The following TMEM108 variants were observed in gnomAD, a reference collection of about 807,000 sequenced individuals.
TMEM108 encodes the protein transmembrane protein 108, also known as cancer/testis antigen 124.
TMEM108 carries 12 observed loss-of-function variants against 35.1 expected under a neutral mutation model. The ratio of observed to expected loss-of-function variants is 0.34; its 90% CI spans 0.22 to 0.55. TMEM108 has a LOEUF of 0.55. Ranked by LOEUF, TMEM108 falls within the 20% of genes least tolerant of loss-of-function variation. TMEM108 has a pLI of 0.89. For synonymous variants in TMEM108, 287 were observed against 308.6 expected (o/e 0.93, Z 0.73); for missense variants, 680 against 753.3 (o/e 0.90, Z 1.14).
intron 3 of TMEM108, among the ~76,000 whole-genome samples, chr3:133,315,542 A>G (rs906191934): frequency 2.6e-5 from 4 of 152,230 alleles, no homozygotes; most frequent in Non-Finnish European, 5.9e-5. Flanking sequence ...CAGATTCCAT[A>G]AAGAGCCAGA....
At chr3:133,290,335 A>T (rs1050960501) in intron 3 of TMEM108, among the ~76,000 whole-genome samples, 1 of 152,124 alleles carries the variant, frequency 6.6e-6, no homozygotes, top group African/African-American at 2.4e-5. Context: ...TCATAAGCTG[A>T]TTCAGCCAGG....
chr3:133,386,484 A>G lies in TMEM108; in HGVS notation c.1451-3696A>G, dbSNP rs536763481. On this transcript the variant is annotated intron_variant, in intron 4 of 5. Coordinates refer to ENST00000321871, the MANE Select transcript of TMEM108 (RefSeq NM_023943.4). ...ATGTGAATACAGTACTCAGGGCTCC[A>G]TCTGAAAATGGAGTGACCCCTCTTC... 1.2e-4 allele frequency: 187 copies of G among 1,535,996 alleles called. 2 individuals carry two copies. In the East Asian group the frequency reaches 4.5e-3, roughly 37 times the overall value.
At chr3:133,313,242 G>A (rs1423161014) in intron 3 of TMEM108, among the ~76,000 whole-genome samples, 1 of 149,898 alleles carries the variant, frequency 6.7e-6, no homozygotes, top group African/African-American at 2.5e-5. Context: ...CTGTCACCCA[G>A]GCTGGAGTGC....
intron 4 of TMEM108, chr3:133,388,838 C>T (rs1227687815): frequency 2.0e-6 from 2 of 985,590 alleles, no homozygotes; most frequent in African/African-American, 3.5e-5. Flanking sequence ...GCAACTGCCC[C>T]ACACCCTGGC....
chr3:133,262,075 C>T (rs1300669693), intron 3 of TMEM108, among the ~76,000 whole-genome samples: 1 of 152,188 alleles, frequency 6.6e-6, no homozygotes, highest in Non-Finnish European at 1.5e-5. Flanking sequence ...ATGTACTTTA[C>T]CATTCAGGTT....
At chr3:133,234,307 T>C (rs1946200158) in intron 3 of TMEM108, among the ~76,000 whole-genome samples, 1 of 152,328 alleles carries the variant, frequency 6.6e-6, no homozygotes, top group East Asian at 1.9e-4. Flanking sequence ...AATCTCTGAA[T>C]TTTAGACCAA....
intron 3 of TMEM108, among the ~76,000 whole-genome samples, chr3:133,314,489 A>G (rs923710427): frequency 6.6e-6 from 1 of 152,232 alleles, no homozygotes; most frequent in South Asian, 2.1e-4. Context: ...TCCTAGGAAC[A>G]TGCATGCTTT....
intron 3 of TMEM108, among the ~76,000 whole-genome samples, chr3:133,361,533 G>A (rs1409025317): frequency 6.6e-6 from 1 of 152,206 alleles, no homozygotes; most frequent in Non-Finnish European, 1.5e-5. Flanking sequence ...TTGAAAGTGT[G>A]CAATCTGGAA....
intron 3 of TMEM108, among the ~76,000 whole-genome samples, chr3:133,305,536 A>AAAAG (rs926878764): frequency 6.6e-6 from 1 of 151,686 alleles, no homozygotes; most frequent in Non-Finnish European, 1.5e-5. Flanking sequence ...ATAAATAAAT[A>AAAAG]AAAGAAAGAT....
intron 3 of TMEM108, among the ~76,000 whole-genome samples, chr3:133,267,030 G>A (rs896060082): frequency 8.1e-5 from 12 of 147,628 alleles, no homozygotes; most frequent in African/African-American, 2.5e-4. Flanking sequence ...CAGTGAAGTC[G>A]AGATCGCGCC....
chr3:133,158,465 T>TAAAAAAAAAAAA (rs11328701), intron 2 of TMEM108, among the ~76,000 whole-genome samples: 1 of 80,620 alleles, frequency 1.2e-5, no homozygotes. Flanking sequence ...AGACTCTGTC[T>TAAAAAAAAAAAA]AAAAAAAAAA....
chr3:133,038,712 A>C (rs1214973262), intron 1 of TMEM108, among the ~76,000 whole-genome samples: 1 of 152,132 alleles, frequency 6.6e-6, no homozygotes, highest in Non-Finnish European at 1.5e-5. Context: ...GGTTGCTGGC[A>C]TGAACCCCCT....
intron 3 of TMEM108, among the ~76,000 whole-genome samples, chr3:133,251,680 A>C (rs77618894): frequency 6.6e-6 from 1 of 152,252 alleles, no homozygotes; most frequent in Middle Eastern, 3.4e-3. Flanking sequence ...GAAGTGATAC[A>C]TATAAATTTT....
chr3:133,142,049 A>T (rs954350300), intron 2 of TMEM108, among the ~76,000 whole-genome samples: 2 of 152,162 alleles, frequency 1.3e-5, no homozygotes, highest in Non-Finnish European at 2.9e-5. Context: ...ACCAGATCTC[A>T]GTAGCACTCC....
intron 2 of TMEM108, among the ~76,000 whole-genome samples, chr3:133,211,494 A>G (rs570806145): frequency 4.6e-5 from 7 of 152,220 alleles, no homozygotes; most frequent in Non-Finnish European, 8.8e-5. Flanking sequence ...TCTCTACAAT[A>G]TCATTTAATT....
intron 2 of TMEM108, among the ~76,000 whole-genome samples, chr3:133,208,226 A>G (rs1372606739): frequency 6.6e-6 from 1 of 152,148 alleles, no homozygotes; most frequent in Non-Finnish European, 1.5e-5. Context: ...GATCATTTTC[A>G]TTTCTAACAA....
At chr3:133,301,959 T>G (rs939004530) in intron 3 of TMEM108, among the ~76,000 whole-genome samples, 2 of 152,182 alleles carry the variant, frequency 1.3e-5, no homozygotes, top group Admixed American at 1.3e-4. Flanking sequence ...CTCCCTGCCC[T>G]TCCTCTGCCT....
At chr3:133,232,542 G>A (rs1416598661) in intron 3 of TMEM108, among the ~76,000 whole-genome samples, 2 of 152,164 alleles carry the variant, frequency 1.3e-5, no homozygotes, top group Non-Finnish European at 2.9e-5. Context: ...ACAGCCTCAG[G>A]TATTTCTTTA....
At chr3:133,319,278 C>T (rs983604874) in intron 3 of TMEM108, among the ~76,000 whole-genome samples, 1 of 152,182 alleles carries the variant, frequency 6.6e-6, no homozygotes, top group Admixed American at 6.5e-5. Context: ...TCACGAAAGA[C>T]ATAAACTCTT....
Sources: allele counts gnomAD v4.1 joint callset (sites outside exome capture counted in the v4.1 genomes callset), GRCh38; gene constraint gnomAD v4.1.1; transcripts MANE v1.5; gene names NCBI Gene and HGNC (gene_info 2026-07-23, HGNC 2026-07-21).